Variants in IGSF3 observed in about 807,000 individuals in gnomAD.
IGSF3 encodes immunoglobulin superfamily member 3, also known as glu-Trp-Ile EWI motif-containing protein 3.
In IGSF3, 23 loss-of-function variants were observed where a neutral mutation model predicts 114.4. The observed-to-expected ratio is 0.20, with a 90% CI of 0.14 to 0.28. The LOEUF (loss-of-function observed/expected upper bound fraction) is 0.28. Among genes scored for constraint, IGSF3 ranks in the 10% least tolerant of loss-of-function variants. IGSF3 has a pLI of 1.00. For missense variants in IGSF3, 1,172 were observed against 1,591.5 expected (o/e 0.74, Z 4.48); for synonymous variants, 571 against 645.2 (o/e 0.88, Z 1.74).
intron 4 of IGSF3, among the ~76,000 whole-genome samples, chr1:116,613,374 G>A (rs1370948580): frequency 6.6e-6 from 1 of 152,194 alleles, no homozygotes; most frequent in East Asian, 1.9e-4. Flanking sequence ...ATGGGTACCT[G>A]AGGAAGGCAA....
At chr1:116,622,435 A>T (rs1389337550) in intron 2 of IGSF3, among the ~76,000 whole-genome samples, 1 of 152,162 alleles carries the variant, frequency 6.6e-6, no homozygotes, top group East Asian at 1.9e-4. Context: ...TGGGTAAAAA[A>T]TGCAAAACTG....
intron 2 of IGSF3, among the ~76,000 whole-genome samples, chr1:116,619,504 T>A (rs1342799157): frequency 6.6e-6 from 1 of 152,216 alleles, no homozygotes; most frequent in East Asian, 1.9e-4. Context: ...AATACCTCCT[T>A]AATTTCCCTC....
At chr1:116,658,794 T>C (rs1360634661) in intron 2 of IGSF3, among the ~76,000 whole-genome samples, 2 of 152,296 alleles carry the variant, frequency 1.3e-5, no homozygotes, top group Admixed American at 1.3e-4. Context: ...AGGACAGACT[T>C]GCCTGGCCTC....
In IGSF3 at chr1:116,636,315, T is replaced by C. The variant is rs1363236955; in HGVS notation, c.44-19858A>G. On this transcript the variant is annotated intron_variant, in intron 2 of 10. Coordinates refer to ENST00000369486, the MANE Select transcript of IGSF3 (RefSeq NM_001007237.3). The surrounding 1 kb of genome is among the most constrained non-coding windows in gnomAD (Gnocchi z 4.5). The stretch of plus-strand genomic sequence containing the variant: ...CTGAGTTGGCCCTATCTCCCCTTTT[T>C]GGCCTCAAGCACATCACGAGGAAGG... 7.9e-5 allele frequency among the ~76,000 whole-genome samples: 12 copies of C among 152,320 alleles called. No homozygotes were observed. Among genetic ancestry groups the C allele is most frequent in the Middle Eastern group, 6.8e-3 (2 of 294 alleles).
Position 116,608,023 on chromosome 1 carries a change from G to T in IGSF3, c.1141C>A (p.Arg381=). 1 of 1,613,682 alleles carries T rather than the reference G, an allele frequency of 6.2e-7. No individual in the cohort carries two copies. The highest frequency in any genetic ancestry group is 8.5e-7 in the Non-Finnish European group (1 of 1,179,660). ...AATTCCCCGGTCACGGTTTTCTCTCGCTCAGTCACCCGGCAGTTGTATTTC... is the reference window on the plus strand; with the variant it reads ...AATTCCCCGGTCACGGTTTTCTCTCTCTCAGTCACCCGGCAGTTGTATTTC... ...SGKYNCRVTE[R]EKTVTGEFID... The change falls in exon 5 of 11, where the codon CGA becomes AGA. Residue 381 remains arginine, a synonymous_variant. Coordinates refer to ENST00000369486, the MANE Select transcript of IGSF3 (RefSeq NM_001007237.3).
At position 116,585,006 on chromosome 1, in the gene IGSF3, C is replaced by T. The variant is rs1481470960; in HGVS notation, c.2487G>A (p.Leu829=). The change falls in exon 9 of 11, where the codon CTG becomes CTA. Residue 829 remains leucine, a synonymous_variant. Transcript: ENST00000369486. This position sits in a 1 kb window ranked among gnomAD's most constrained non-coding sequence, Gnocchi z 4.9. Reference sequence around the variant, plus strand: ...ACTCCAGCTGTACCTGCCGGGTCTCCAGAACCGACAGGTTCCCCTGGGCTT... The same window carrying T: ...ACTCCAGCTGTACCTGCCGGGTCTCTAGAACCGACAGGTTCCCCTGGGCTT... The part of the protein sequence containing the change: ...LSQAQGNLSV[L]ETRQVQLECV... The T allele has an allele frequency of 6.4e-7, 1 of 1,568,652 alleles. No individual in the cohort carries two copies. The highest frequency in any genetic ancestry group is 1.3e-5 in the African/African-American group (1 of 74,076).
chr1:116,604,446 C>T (rs1157831756), intron 5 of IGSF3, among the ~76,000 whole-genome samples: 2 of 152,254 alleles, frequency 1.3e-5, no homozygotes, highest in African/African-American at 2.4e-5. Context: ...TCCTACCATT[C>T]GGTACTACAG....
chr1:116,614,038 T>C lies in IGSF3; in HGVS notation c.559A>G (p.Lys187Glu). 3 of 1,614,158 alleles carry C rather than the reference T, an allele frequency of 1.9e-6. No individual in the cohort carries two copies. Among genetic ancestry groups the C allele is most frequent in the African/African-American group, 1.3e-5 (1 of 75,046 alleles). ...ACCTCCACGGGCTTCTCGCCAACTT[T>C]CTGCCGGAGCCAGGCCACAGACAGG... ...SHLSVAWLRQ[K>E]VGEKPVEVIS... The change falls in exon 4 of 11, where the codon AAA (lysine) becomes GAA (glutamate). Residue 187 changes from lysine (K) to glutamate (E), a missense_variant. Around this residue, in one of 3 missense-constraint regions of IGSF3, gnomAD observed 736 missense variants for 1,042.0 expected, o/e 0.71. Transcript: ENST00000369486. This position sits in a 1 kb window ranked among gnomAD's most constrained non-coding sequence, Gnocchi z 4.5.
chr1:116,578,702 T>C (rs947107198), intron 10 of IGSF3, among the ~76,000 whole-genome samples: 2 of 152,240 alleles, frequency 1.3e-5, no homozygotes, highest in Non-Finnish European at 2.9e-5. Context: ...ACACCATTTT[T>C]AGTCTAATGT....
chr1:116,598,775 C>T lies in IGSF3; in HGVS notation c.2029+1166G>A, dbSNP rs1321539045. On this transcript the variant is annotated intron_variant, in intron 7 of 10. Coordinates refer to ENST00000369486, the MANE Select transcript of IGSF3 (RefSeq NM_001007237.3). The surrounding 1 kb of genome is among the most constrained non-coding windows in gnomAD (Gnocchi z 4.3). Reference sequence around the variant, plus strand: ...CTGGGCGAGGGAAGGAACACGGGAGCCTACTGCCTGGGCTCCACCCTCCAC... The same window carrying T: ...CTGGGCGAGGGAAGGAACACGGGAGTCTACTGCCTGGGCTCCACCCTCCAC... Among the ~76,000 whole-genome samples the T allele has an allele frequency of 6.6e-6, 1 of 152,194 alleles. No homozygotes were observed. Among genetic ancestry groups the T allele is most frequent in the African/African-American group, 2.4e-5 (1 of 41,448 alleles).
rs570699687 is a variant in IGSF3 at position 116,605,152 on chromosome 1, AT to A, written c.1223-1128del. Among the ~76,000 whole-genome samples the A allele has an allele frequency of 9.1e-4, 138 of 152,206 alleles. No individual in the cohort carries two copies. The highest frequency in any genetic ancestry group is 1.7e-3 in the Non-Finnish European group (113 of 68,012). ...ACACAAAGTAACTAATTTGGCTCCA[AT>A]TTTTGGGTACCACCCACATTAAATA... On this transcript the variant is annotated intron_variant, in intron 5 of 10. Coordinates refer to ENST00000369486, the MANE Select transcript of IGSF3 (RefSeq NM_001007237.3). The surrounding 1 kb of genome is among the most constrained non-coding windows in gnomAD (Gnocchi z 5.1).
rs1433650910 is a variant in IGSF3, at chr1:116,603,596, C to T, written c.1624+28G>A. On this transcript the variant is annotated intron_variant, in intron 6 of 10. Transcript: ENST00000369486. The surrounding 1 kb of genome is among the most constrained non-coding windows in gnomAD (Gnocchi z 7.1). ...ACACTGAAGCTGTCTCCATGCCAGACCCACTGCCAGTCCCACCGCTCACTC... is the reference window on the plus strand; with the variant it reads ...ACACTGAAGCTGTCTCCATGCCAGATCCACTGCCAGTCCCACCGCTCACTC... 1.1e-5 allele frequency: 18 copies of T among 1,601,178 alleles called. No homozygotes were observed. The highest frequency in any genetic ancestry group is 3.4e-5 in the South Asian group (3 of 89,136).
Position 116,625,664 on chromosome 1 carries a change from C to T in IGSF3, c.44-9207G>A, listed in dbSNP as rs1661549950. On this transcript the variant is annotated intron_variant, in intron 2 of 10. Coordinates refer to ENST00000369486, the MANE Select transcript of IGSF3 (RefSeq NM_001007237.3). This position sits in a 1 kb window ranked among gnomAD's most constrained non-coding sequence, Gnocchi z 4.7. ...ACTGGAAGCAGACAGACCAAATTCA[C>T]AGTCAAATGCGACAAGATGAGGGCC... 1.3e-5 allele frequency among the ~76,000 whole-genome samples: 2 copies of T among 152,184 alleles called. No individual in the cohort carries two copies. The highest frequency in any genetic ancestry group is 6.5e-5 in the Admixed American group (1 of 15,282).
rs1043069377 is a variant in IGSF3, at chr1:116,583,546, A to G, written c.2848+1099T>C. Among the ~76,000 whole-genome samples the G allele has an allele frequency of 3.3e-5, 5 of 152,182 alleles. No homozygotes were observed. The highest frequency in any genetic ancestry group is 9.7e-5 in the African/African-American group (4 of 41,442). ...CTGGAGATGCAATATTCCACCAACG[A>G]AATGAGCTGCTCTACTCAGACATGA... On this transcript the variant is annotated intron_variant, in intron 9 of 10. Transcript: ENST00000369486. The surrounding 1 kb of genome is among the most constrained non-coding windows in gnomAD (Gnocchi z 4.5).
intron 2 of IGSF3, among the ~76,000 whole-genome samples, chr1:116,646,543 G>A (rs1205455121): frequency 6.6e-6 from 1 of 152,190 alleles, no homozygotes; most frequent in Non-Finnish European, 1.5e-5. Flanking sequence ...TTAATTCATT[G>A]AGAAGGCAGA....
At chr1:116,659,972 C>T (rs1042568384) in intron 2 of IGSF3, among the ~76,000 whole-genome samples, 2 of 152,074 alleles carry the variant, frequency 1.3e-5, no homozygotes, top group African/African-American at 4.8e-5. Context: ...ACTGCACACC[C>T]AAAGCCAGGG....
Position 116,577,438 on chromosome 1 carries a change from G to T in IGSF3, c.3459C>A (p.Asn1153Lys). ...TILLVRFKSR[N>K]SSKNSDGKNG... ...TCTTCCCATCAGAGTTCTTGCTGGAGTTCCGGCTCTTGAAACGCACCAGAA... is the reference window on the plus strand; with the variant it reads ...TCTTCCCATCAGAGTTCTTGCTGGATTTCCGGCTCTTGAAACGCACCAGAA... Residue 1153 changes from asparagine (N) to lysine (K), a missense_variant, in exon 11 of 11, where the codon AAC becomes AAA. Asn to Lys is a moderately conservative substitution (Grantham distance 94). Coordinates refer to ENST00000369486, the MANE Select transcript of IGSF3 (RefSeq NM_001007237.3). The surrounding 1 kb of genome is among the most constrained non-coding windows in gnomAD (Gnocchi z 5.7). 1 of 1,614,234 alleles carries T rather than the reference G, an allele frequency of 6.2e-7. No individual in the cohort carries two copies. The highest frequency in any genetic ancestry group is 8.5e-7 in the Non-Finnish European group (1 of 1,180,044).
intron 8 of IGSF3, among the ~76,000 whole-genome samples, chr1:116,587,673 G>A (rs621102): frequency 0.31 from 47,239 of 152,148 alleles, 8,755 homozygotes; most frequent in Non-Finnish European, 0.4. Context: ...GACCCCTACT[G>A]GTATGGGAGA....
chr1:116,606,274 C>T (rs1660789075), intron 5 of IGSF3, among the ~76,000 whole-genome samples: 1 of 152,258 alleles, frequency 6.6e-6, no homozygotes, highest in Non-Finnish European at 1.5e-5. Context: ...CAACCACTAA[C>T]TGAACAATCA....
Sources: allele counts gnomAD v4.1 joint callset (sites outside exome capture counted in the v4.1 genomes callset), GRCh38; gene constraint gnomAD v4.1.1; regional missense constraint gnomAD v4.1.1; non-coding constraint Gnocchi (gnomAD v3.1); transcripts MANE v1.5; gene names NCBI Gene and HGNC (gene_info 2026-07-23, HGNC 2026-07-21).